Variants in MBD5 observed in about 807,000 individuals in gnomAD.
The protein encoded by MBD5 is methyl-CpG binding domain protein 5, also known as methyl-CpG-binding domain protein 5.
In MBD5, 13 loss-of-function variants were observed where a neutral mutation model predicts 117.3. The ratio of observed to expected loss-of-function variants is 0.11; its 90% CI spans 0.07 to 0.18. The LOEUF is 0.18. Ranked by LOEUF, MBD5 falls within the 10% of genes least tolerant of loss-of-function variation. The pLI, the probability that MBD5 is intolerant of heterozygous loss-of-function variation, is 1.00. For synonymous variants in MBD5, 727 were observed against 766.4 expected (o/e 0.95, Z 0.85); for missense variants, 1,879 against 2,093.8 (o/e 0.90, Z 2.00).
Position 148,469,935 on chromosome 2 carries a change from G to A in MBD5, c.1992G>A (p.Thr664=), listed in dbSNP as rs763604095. The change falls in exon 8 of 14, where the codon ACG becomes ACA. Residue 664 remains threonine (T), a synonymous_variant. Transcript: ENST00000642680. ...DALRKRKQPP[T]TVLSLLRQSQ... ...TGCGGAAAAGAAAACAACCACCTAC[G>A]ACAGTGTTGAGTTTGCTCAGACAGT... is the stretch of plus-strand genomic sequence containing the variant. The A allele has an allele frequency of 9.3e-6, 15 of 1,613,822 alleles. No individual in the cohort carries two copies. The highest frequency in any genetic ancestry group is 6.6e-5 in the South Asian group (6 of 91,078).
intron 4 of MBD5, among the ~76,000 whole-genome samples, chr2:148,399,367 A>C (rs1291676757): frequency 6.6e-6 from 1 of 151,914 alleles, no homozygotes; most frequent in Non-Finnish European, 1.5e-5. Context: ...GAGGTCCTTC[A>C]CATCCCTTGT....
At chr2:148,294,509 T>TG (rs1701596916) in intron 3 of MBD5, among the ~76,000 whole-genome samples, 1 of 129,984 alleles carries the variant, frequency 7.7e-6, no homozygotes, top group African/African-American at 3.0e-5. Flanking sequence ...CAGTTTTTTT[T>TG]TTTTTTTTTT....
At chr2:148,452,495 G>A (rs1353619833) in intron 4 of MBD5, among the ~76,000 whole-genome samples, 1 of 151,626 alleles carries the variant, frequency 6.6e-6, no homozygotes, top group Non-Finnish European at 1.5e-5. Context: ...GTGAGACCTT[G>A]TCTCCAAAAA....
chr2:148,442,245 G>A lies in MBD5; in HGVS notation c.-556-15958G>A, dbSNP rs950591182. 5.9e-5 allele frequency among the ~76,000 whole-genome samples: 9 copies of A among 151,300 alleles called. 1 individual carries two copies. The highest frequency in any genetic ancestry group is 9.8e-5 in the African/African-American group (4 of 40,680). On this transcript the variant is annotated intron_variant, in intron 4 of 13. Coordinates refer to ENST00000642680, the MANE Select transcript of MBD5 (RefSeq NM_001378120.1). ...TTATGGCGACTAGCTCAGTGCTGAG[G>A]GCTTGGTATATGCCTACTGATTAAT...
intron 3 of MBD5, among the ~76,000 whole-genome samples, chr2:148,272,997 T>C (rs577932186): frequency 6.6e-5 from 10 of 152,338 alleles, no homozygotes; most frequent in African/African-American, 2.4e-4. Flanking sequence ...TACAGAATGA[T>C]CTCACTGTTA....
intron 4 of MBD5, among the ~76,000 whole-genome samples, chr2:148,399,701 G>A (rs532306254): frequency 2.0e-5 from 3 of 152,228 alleles, no homozygotes; most frequent in African/African-American, 4.8e-5. Context: ...TTGAATAGGA[G>A]TGGTGAGAGA....
intron 4 of MBD5, among the ~76,000 whole-genome samples, chr2:148,438,569 A>G (rs1417184651): frequency 6.6e-6 from 1 of 152,184 alleles, no homozygotes; most frequent in Non-Finnish European, 1.5e-5. Context: ...TACCAAATCT[A>G]TATTAGACAG....
rs951741523 is a variant in MBD5, at chr2:148,465,315, T to G, written c.397+1396T>G. Among the ~76,000 whole-genome samples the G allele has an allele frequency of 6.5e-4, 99 of 152,302 alleles. 2 individuals carry two copies. Among genetic ancestry groups the G allele is most frequent in the African/African-American group, 2.2e-3 (92 of 41,574 alleles). ...GATTTTCCCATTATTGAAGTACCCT[T>G]TTCCCTTTATGATTAATGTGTACTC... On this transcript the variant is annotated intron_variant, in intron 7 of 13. Coordinates refer to ENST00000642680, the MANE Select transcript of MBD5 (RefSeq NM_001378120.1).
chr2:148,469,475 A>T lies in MBD5; in HGVS notation c.1532A>T (p.Lys511Met). 6.2e-7 allele frequency: 1 copy of T among 1,613,876 alleles called. No homozygotes were observed. The highest frequency in any genetic ancestry group is 1.1e-5 in the South Asian group (1 of 91,082). Reference protein sequence around the residue: ...RPSMPSSPSTKSDGHHQYKDI... With the variant: ...RPSMPSSPSTMSDGHHQYKDI... Reference sequence around the variant, plus strand: ...TCAATGCCATCAAGCCCTTCTACCAAGTCCGATGGACATCATCAGTACAAG... The same window carrying T: ...TCAATGCCATCAAGCCCTTCTACCATGTCCGATGGACATCATCAGTACAAG... Residue 511 changes from lysine to methionine, a missense_variant, in exon 8 of 14, where the codon AAG becomes ATG. By Grantham distance (95) the Lys-to-Met change is moderately conservative (BLOSUM62 -1). Coordinates refer to ENST00000642680, the MANE Select transcript of MBD5 (RefSeq NM_001378120.1).
intron 1 of MBD5, among the ~76,000 whole-genome samples, chr2:148,133,596 G>C (rs534702914): frequency 1.3e-5 from 2 of 152,354 alleles, no homozygotes; most frequent in African/African-American, 4.8e-5. Context: ...AGCCAAGGCG[G>C]GTGGATCACC....
At chr2:148,434,058 A>T (rs1320339136) in intron 4 of MBD5, among the ~76,000 whole-genome samples, 2 of 151,592 alleles carry the variant, frequency 1.3e-5, no homozygotes, top group African/African-American at 4.9e-5. Context: ...TTACTGATTC[A>T]ATTTCAGAAC....
chr2:148,398,624 T>C (rs560621987), intron 4 of MBD5, among the ~76,000 whole-genome samples: 36 of 152,336 alleles, frequency 2.4e-4, no homozygotes, highest in Admixed American at 9.8e-4. Flanking sequence ...CTGATGGTAG[T>C]TTCTTTTGCT....
intron 4 of MBD5, among the ~76,000 whole-genome samples, chr2:148,402,876 T>G (rs1453258673): frequency 6.6e-6 from 1 of 152,074 alleles, no homozygotes. Context: ...TTTTTTCTCT[T>G]AAGTCTGGGT....
At chr2:148,048,043 T>C (rs1182289838) in intron 1 of MBD5, among the ~76,000 whole-genome samples, 1 of 152,190 alleles carries the variant, frequency 6.6e-6, no homozygotes, top group Admixed American at 6.5e-5. Context: ...AATTTATTCA[T>C]TGTTCTTTCC....
intron 4 of MBD5, among the ~76,000 whole-genome samples, chr2:148,446,155 T>C (rs1263529665): frequency 6.6e-6 from 1 of 151,658 alleles, no homozygotes; most frequent in Non-Finnish European, 1.5e-5. Flanking sequence ...CATTTGTCTA[T>C]TTTGGCTTTT....
intron 2 of MBD5, among the ~76,000 whole-genome samples, chr2:148,228,630 A>G (rs1272405965): frequency 1.3e-5 from 2 of 152,210 alleles, no homozygotes; most frequent in Non-Finnish European, 2.9e-5. Flanking sequence ...TCATAAAATG[A>G]GTTAGGGAGG....
At chr2:148,440,256 A>C (rs1387997395) in intron 4 of MBD5, among the ~76,000 whole-genome samples, 1 of 152,206 alleles carries the variant, frequency 6.6e-6, no homozygotes, top group Non-Finnish European at 1.5e-5. Context: ...CAAAGTTATA[A>C]AACTAGAAAA....
chr2:148,225,362 T>G (rs552521644), intron 2 of MBD5, among the ~76,000 whole-genome samples: 48 of 152,328 alleles, frequency 3.2e-4, no homozygotes, highest in African/African-American at 1.1e-3. Context: ...CCCCCTGTTT[T>G]TTTGACTTTC....
intron 1 of MBD5, among the ~76,000 whole-genome samples, chr2:148,104,508 G>T (rs899876398): frequency 6.6e-6 from 1 of 152,078 alleles, no homozygotes; most frequent in Non-Finnish European, 1.5e-5. Flanking sequence ...AACAAAAAAT[G>T]ATTGTCATTT....
Sources: gnomAD v4.1 joint callset for allele counts (sites outside exome capture counted in the v4.1 genomes callset) on GRCh38, gnomAD v4.1.1 for gene constraint, MANE v1.5 for transcripts, NCBI Gene and HGNC (gene_info 2026-07-23, HGNC 2026-07-21) for gene names.